ITPR1: variants seen among roughly 807,000 people sequenced by gnomAD.
The protein encoded by ITPR1 is inositol 1,4,5-trisphosphate receptor type 1.
A neutral mutation model predicts 318.4 loss-of-function variants in ITPR1; 96 were observed. The observed-to-expected ratio is 0.30, with a 90% confidence interval of 0.26 to 0.36. The LOEUF (loss-of-function observed/expected upper bound fraction) is 0.36, where lower values mean the gene tolerates loss of function less well. ITPR1 is among the 10% of genes least tolerant of loss of function. The pLI is 1.00. For missense variants in ITPR1, 2,440 were observed against 3,460.2 expected (o/e 0.71, Z 7.40); for synonymous variants, 1,312 against 1,289.9 (o/e 1.02, Z -0.37).
Position 4,777,751 on chromosome 3 carries a change from C to T in ITPR1, c.6291+377C>T, listed in dbSNP as rs575058060. ...TTTTTCCCCATTTGAGGGAAAAGGG[C>T]CGGTTGAAGAATAGTACAACTAAGC... is the stretch of plus-strand genomic sequence containing the variant. On this transcript the variant is annotated intron_variant, in intron 48 of 61. Coordinates refer to ENST00000649015, the MANE Select transcript of ITPR1 (RefSeq NM_001378452.1). Among the ~76,000 whole-genome samples the T allele has an allele frequency of 2.0e-5, 3 of 151,490 alleles. No individual in the cohort carries two copies. In the East Asian group the frequency reaches 5.8e-4, roughly 29 times the overall value.
At chr3:4,719,785 C>G (rs1039497555) in intron 40 of ITPR1, among the ~76,000 whole-genome samples, 1 of 152,110 alleles carries the variant, frequency 6.6e-6, no homozygotes, top group Non-Finnish European at 1.5e-5. Context: ...TGGGGTCTTC[C>G]CCGCTGCATT....
At chr3:4,593,212 A>G (rs934223616) in intron 4 of ITPR1, among the ~76,000 whole-genome samples, 4 of 152,206 alleles carry the variant, frequency 2.6e-5, no homozygotes, top group African/African-American at 9.6e-5. Flanking sequence ...CTGTCTAACA[A>G]TACCTGTTGT....
rs567430874 is a variant in ITPR1 at position 4,617,341 on chromosome 3, C to T, written c.164-10422C>T. 5.9e-5 allele frequency among the ~76,000 whole-genome samples: 9 copies of T among 152,244 alleles called. No homozygotes were observed. The East Asian group carries it at 1.5e-3, about 26-fold the overall frequency. On this transcript the variant is annotated intron_variant, in intron 4 of 61. Coordinates refer to ENST00000649015, the MANE Select transcript of ITPR1 (RefSeq NM_001378452.1). ...TCAAGGTGCCAGCAGGTTTTGGTGT[C>T]TGGTGATGGCCTGGTCTCTGCTCTC... is the stretch of plus-strand genomic sequence containing the variant.
intron 32 of ITPR1, among the ~76,000 whole-genome samples, chr3:4,692,605 C>T (rs1210965201): frequency 6.6e-6 from 1 of 152,166 alleles, no homozygotes; most frequent in East Asian, 1.9e-4. Context: ...CCAGCCCTTT[C>T]TGGGTTTTTT....
chr3:4,693,555 C>T lies in ITPR1; in HGVS notation c.4095C>T (p.Ile1365=), dbSNP rs766648506. ...YNDRASFQTL[I]QMMRSERDRM... ...ACAGAGCCTCTTTCCAGACTCTGATCCAGATGATGCGGTCAGAACGGGATC... is the reference window on the plus strand; with the variant it reads ...ACAGAGCCTCTTTCCAGACTCTGATTCAGATGATGCGGTCAGAACGGGATC... The change falls in exon 33 of 62, where the codon ATC becomes ATT. Residue 1365 remains isoleucine (I), a synonymous_variant. Coordinates refer to ENST00000649015, the MANE Select transcript of ITPR1 (RefSeq NM_001378452.1). 32 of 1,613,984 alleles carry T rather than the reference C, an allele frequency of 2.0e-5. No individual in the cohort carries two copies. In the Middle Eastern group the frequency reaches 1.3e-3, roughly 67 times the overall value.
Position 4,807,138 on chromosome 3 carries a change from AGAG to A in ITPR1, c.7272+873_7272+875del, listed in dbSNP as rs370180817. ...TACAAAGAGAGGGGGGCTTACAAAG[AGAG>A]GGGGGACTTACAAAGAGAGGGGGGC... On this transcript the variant is annotated intron_variant, in intron 55 of 61. Coordinates refer to ENST00000649015, the MANE Select transcript of ITPR1 (RefSeq NM_001378452.1). 8.1e-3 allele frequency among the ~76,000 whole-genome samples: 17 copies of A among 2,092 alleles called. 1 individual carries two copies. Among genetic ancestry groups the A allele is most frequent in the East Asian group, 0.031 (1 of 32 alleles). The allele number at this position is 2,092 out of a possible 152,430, so 1.4% of individuals were successfully genotyped here.
At chr3:4,653,195 G>T (rs1167439464) in intron 11 of ITPR1, among the ~76,000 whole-genome samples, 2 of 152,132 alleles carry the variant, frequency 1.3e-5, no homozygotes, top group Non-Finnish European at 2.9e-5. Context: ...TGTTGTCTGG[G>T]ACCACCCATG....
intron 4 of ITPR1, among the ~76,000 whole-genome samples, chr3:4,567,361 C>T (rs1252872213): frequency 2.0e-5 from 3 of 152,032 alleles, no homozygotes; most frequent in African/African-American, 7.3e-5. Context: ...TGTAATGTTC[C>T]AGGTTGGAGG....
intron 33 of ITPR1, 101 bp downstream of exon 33, chr3:4,693,842 C>T (rs2094516812): frequency 7.8e-7 from 1 of 1,289,588 alleles, no homozygotes; most frequent in Non-Finnish European, 1.1e-6. Flanking sequence ...GGGGAGCCCT[C>T]ATGGCTCTGA....
intron 61 of ITPR1, among the ~76,000 whole-genome samples, chr3:4,841,117 C>A (rs997295203): frequency 6.6e-6 from 1 of 152,182 alleles, no homozygotes; most frequent in Non-Finnish European, 1.5e-5. Flanking sequence ...ATCTATGTTC[C>A]TTATACTGTG....
At chr3:4,835,231 T>C (rs2050813049) in intron 60 of ITPR1, among the ~76,000 whole-genome samples, 1 of 152,124 alleles carries the variant, frequency 6.6e-6, no homozygotes, top group East Asian at 1.9e-4. Context: ...TATTGCTAGA[T>C]GGCCCTAGGT....
At chr3:4,770,150 C>G (rs2125379136) in intron 46 of ITPR1, among the ~76,000 whole-genome samples, 1 of 152,316 alleles carries the variant, frequency 6.6e-6, no homozygotes, top group East Asian at 1.9e-4. Context: ...TAGTCCAGAT[C>G]TGGCCAGGGA....
At position 4,493,391 on chromosome 3, in the gene ITPR1, C is replaced by G. The variant is rs1298779570; in HGVS notation, c.-307C>G. On this transcript the variant is annotated 5_prime_UTR_variant, in exon 1 of 62. Coordinates refer to ENST00000649015, the MANE Select transcript of ITPR1 (RefSeq NM_001378452.1). Reference sequence around the variant, plus strand: ...TGCTGCTGAAGCGTTTCCTCAAGCTCGCTGGGGTGGGAGGAGAGGAGGAGG... The same window carrying G: ...TGCTGCTGAAGCGTTTCCTCAAGCTGGCTGGGGTGGGAGGAGAGGAGGAGG... 1.3e-5 allele frequency: 2 copies of G among 154,272 alleles called. No homozygotes were observed. The highest frequency in any genetic ancestry group is 2.4e-5 in the African/African-American group (1 of 41,380). The allele number at this position is 154,272 out of a possible 1,614,324, so 9.6% of individuals were successfully genotyped here.
At chr3:4,823,825 A>G (rs752777591) in intron 60 of ITPR1, among the ~76,000 whole-genome samples, 1 of 152,236 alleles carries the variant, frequency 6.6e-6, no homozygotes, top group African/African-American at 2.4e-5. Context: ...TGACTGGATC[A>G]CTAGGCACTA....
chr3:4,831,059 G>C (rs1446602733), intron 60 of ITPR1: 2 of 454,618 alleles, frequency 4.4e-6, no homozygotes, highest in East Asian at 1.4e-4. Context: ...AGAATGATTC[G>C]CATTTGCATC....
In ITPR1 at chr3:4,675,271, A is replaced by G. The variant is rs527345423; in HGVS notation, c.2779+23A>G. On this transcript the variant is annotated intron_variant, in intron 23 of 61. Transcript: ENST00000649015. ...AGAGTGAGTATCTGAGGGTGCCCATACATCTGAGAGATGCCCTCCAGCCTT... is the reference window on the plus strand; with the variant it reads ...AGAGTGAGTATCTGAGGGTGCCCATGCATCTGAGAGATGCCCTCCAGCCTT... 2.5e-6 allele frequency: 4 copies of G among 1,572,350 alleles called. No individual in the cohort carries two copies. The African/African-American group carries it at 5.4e-5, about 21-fold the overall frequency.
At chr3:4,599,588 G>A (rs1051294031) in intron 4 of ITPR1, among the ~76,000 whole-genome samples, 2 of 152,198 alleles carry the variant, frequency 1.3e-5, no homozygotes, top group African/African-American at 4.8e-5. Flanking sequence ...AGTGATGGCT[G>A]TAGGCAGTTG....
chr3:4,630,406 G>C (rs1487800923), intron 5 of ITPR1, among the ~76,000 whole-genome samples: 1 of 151,954 alleles, frequency 6.6e-6, no homozygotes, highest in Non-Finnish European at 1.5e-5. Flanking sequence ...TCCCTAAAGT[G>C]TAAAATCCTG....
intron 4 of ITPR1, among the ~76,000 whole-genome samples, chr3:4,537,173 C>CT (rs902538908): frequency 6.6e-6 from 1 of 152,100 alleles, no homozygotes; most frequent in African/African-American, 2.4e-5. Flanking sequence ...GGAGTGTTTC[C>CT]TTTTTTTATT....
Sources: allele counts gnomAD v4.1 joint callset (sites outside exome capture counted in the v4.1 genomes callset), GRCh38; gene constraint gnomAD v4.1.1; transcripts MANE v1.5; gene names NCBI Gene and HGNC (gene_info 2026-07-23, HGNC 2026-07-21).